The following PCDH7 variants were observed in gnomAD, a reference collection of about 807,000 sequenced individuals.
The protein encoded by PCDH7 is protocadherin-7.
PCDH7 carries 17 observed loss-of-function variants against 58.9 expected under a neutral mutation model. That is an observed-to-expected ratio of 0.29 (90% CI 0.20 to 0.43). The LOEUF (loss-of-function observed/expected upper bound fraction) is 0.43. PCDH7 is among the 20% of genes least tolerant of loss of function. The probability of loss-of-function intolerance (pLI) is 1.00; values close to 1 mark genes in which losing one functional copy is unlikely to be tolerated. For missense variants in PCDH7, 1,274 were observed against 1,441.0 expected (o/e 0.88, Z 1.88); for synonymous variants, 664 against 616.4 (o/e 1.08, Z -1.14).
intron 1 of PCDH7, among the ~76,000 whole-genome samples, chr4:30,838,027 A>G (rs1577996903): frequency 6.6e-6 from 1 of 151,686 alleles, no homozygotes; most frequent in African/African-American, 2.4e-5. Context: ...GTAGCGAAAT[A>G]TCTTCTTCAT....
At chr4:30,766,634 T>C (rs1720785631) in intron 1 of PCDH7, among the ~76,000 whole-genome samples, 1 of 138,966 alleles carries the variant, frequency 7.2e-6, no homozygotes, top group Non-Finnish European at 1.5e-5. Context: ...TACTGTATTA[T>C]ATCAAATCTC....
chr4:31,125,177 C>A (rs909841255), intron 3 of PCDH7, among the ~76,000 whole-genome samples: 1 of 152,106 alleles, frequency 6.6e-6, no homozygotes, highest in Non-Finnish European at 1.5e-5. Flanking sequence ...TTTTCCATCT[C>A]ATTCAAGGAC....
chr4:31,114,912 A>T (rs1201245944), intron 3 of PCDH7, among the ~76,000 whole-genome samples: 1 of 152,154 alleles, frequency 6.6e-6, no homozygotes, highest in Non-Finnish European at 1.5e-5. Context: ...ATAGCAGAAA[A>T]GGGTTCTTTC....
chr4:31,072,636 T>C (rs974830868), intron 3 of PCDH7, among the ~76,000 whole-genome samples: 7 of 152,058 alleles, frequency 4.6e-5, no homozygotes, highest in African/African-American at 1.7e-4. Flanking sequence ...TGTATGAAGA[T>C]ATGAAGGCCA....
chr4:30,750,361 T>C (rs1428711043), intron 1 of PCDH7, among the ~76,000 whole-genome samples: 1 of 152,140 alleles, frequency 6.6e-6, no homozygotes, highest in Non-Finnish European at 1.5e-5. Context: ...ACCTTGTGAT[T>C]GCAGTTCATA....
At chr4:30,786,320 A>G (rs1287762412) in intron 1 of PCDH7, among the ~76,000 whole-genome samples, 2 of 152,058 alleles carry the variant, frequency 1.3e-5, no homozygotes. Context: ...TGCAAGTTGT[A>G]AAAGCACTGA....
At chr4:31,118,894 A>T (rs1717312673) in intron 3 of PCDH7, among the ~76,000 whole-genome samples, 1 of 152,128 alleles carries the variant, frequency 6.6e-6, no homozygotes. Flanking sequence ...AAAATCGTAA[A>T]CCTCAATATA....
chr4:30,796,482 A>G (rs1353869915), intron 1 of PCDH7, among the ~76,000 whole-genome samples: 1 of 152,224 alleles, frequency 6.6e-6, no homozygotes, highest in Non-Finnish European at 1.5e-5. Context: ...GATCAAAACT[A>G]TGAAATACAA....
intron 1 of PCDH7, among the ~76,000 whole-genome samples, chr4:30,748,227 C>A (rs1210222658): frequency 6.6e-6 from 1 of 152,116 alleles, no homozygotes; most frequent in Non-Finnish European, 1.5e-5. Context: ...AACTGACCTG[C>A]TACAATCAGA....
rs989170220 is a variant in PCDH7, at chr4:30,917,162, C to T, written c.71-2991C>T. 1.8e-4 allele frequency among the ~76,000 whole-genome samples: 27 copies of T among 152,108 alleles called. 1 individual carries two copies. The highest frequency in any genetic ancestry group is 6.6e-4 in the Admixed American group (10 of 15,266). ...TTGCGGTAAAACTGAACTATCTTTTCAAGACTCAATTGTCTGCCTCTCTCT... is the reference window on the plus strand; with the variant it reads ...TTGCGGTAAAACTGAACTATCTTTTTAAGACTCAATTGTCTGCCTCTCTCT... On this transcript the variant is annotated intron_variant, in intron 1 of 3. Coordinates refer to the PCDH7 transcript ENST00000509759.
At chr4:30,980,326 A>G (rs949540246) in intron 3 of PCDH7, among the ~76,000 whole-genome samples, 13 of 152,174 alleles carry the variant, frequency 8.5e-5, no homozygotes, top group African/African-American at 3.1e-4. Flanking sequence ...CAAAACTAAG[A>G]TGGTACAACT....
At chr4:30,824,119 C>T (rs562907543) in intron 1 of PCDH7, among the ~76,000 whole-genome samples, 79 of 144,258 alleles carry the variant, frequency 5.5e-4, no homozygotes, top group African/African-American at 2.0e-3. Flanking sequence ...TTCTTTCTTT[C>T]TTTCTTTCTT....
At chr4:31,057,250 A>C (rs1334878487) in intron 3 of PCDH7, among the ~76,000 whole-genome samples, 1 of 152,096 alleles carries the variant, frequency 6.6e-6, no homozygotes, top group Non-Finnish European at 1.5e-5. Flanking sequence ...TATTTTTCTG[A>C]CTCCATTTAA....
chr4:30,879,565 A>G (rs181375984), intron 1 of PCDH7, among the ~76,000 whole-genome samples: 5 of 152,256 alleles, frequency 3.3e-5, no homozygotes, highest in East Asian at 3.9e-4. Context: ...CCTAATTGTC[A>G]TATCATGGAG....
intron 3 of PCDH7, among the ~76,000 whole-genome samples, chr4:31,024,042 A>G (rs1754228795): frequency 6.6e-6 from 1 of 152,260 alleles, no homozygotes; most frequent in Non-Finnish European, 1.5e-5. Context: ...CTTTTCAGTA[A>G]GAAGAGCATT....
intron 3 of PCDH7, among the ~76,000 whole-genome samples, chr4:31,042,437 G>C (rs988890543): frequency 6.6e-6 from 1 of 152,070 alleles, no homozygotes; most frequent in African/African-American, 2.4e-5. Flanking sequence ...TTGATGAACA[G>C]TGTTGCAATA....
At chr4:30,976,696 G>A (rs7672741) in intron 3 of PCDH7, among the ~76,000 whole-genome samples, 62,715 of 151,922 alleles carry the variant, frequency 0.41, 15,802 homozygotes, top group African/African-American at 0.72. Context: ...ACTGCACCCG[G>A]CCCATAAAAT....
chr4:30,803,087 C>T (rs1397674094), intron 1 of PCDH7, among the ~76,000 whole-genome samples: 1 of 152,160 alleles, frequency 6.6e-6, no homozygotes, highest in Non-Finnish European at 1.5e-5. Context: ...AAGGATTAGA[C>T]ACTGCCAATT....
chr4:31,069,870 C>CTTGATT (rs1758405563), intron 3 of PCDH7, among the ~76,000 whole-genome samples: 1 of 151,218 alleles, frequency 6.6e-6, no homozygotes, highest in Non-Finnish European at 1.5e-5. Flanking sequence ...CAAATTTTCT[C>CTTGATT]CACTTGATTC....
Sources: gnomAD v4.1 joint callset for allele counts (sites outside exome capture counted in the v4.1 genomes callset) on GRCh38, gnomAD v4.1.1 for gene constraint, MANE v1.5 for transcripts, NCBI Gene and HGNC (gene_info 2026-07-23, HGNC 2026-07-21) for gene names.